SLC30A5: variants seen among roughly 807,000 people sequenced by gnomAD.
SLC30A5 encodes the protein solute carrier family 30 member 5, also known as proton-coupled zinc antiporter SLC30A5.
Under a neutral mutation model 79.6 loss-of-function variants are expected in SLC30A5, and 33 were observed. The observed-to-expected ratio is 0.41, with a 90% confidence interval of 0.31 to 0.55. The LOEUF (loss-of-function observed/expected upper bound fraction) is 0.55. SLC30A5 is among the 20% of genes least tolerant of loss of function. The probability of loss-of-function intolerance (pLI) is 0.20; values close to 1 mark genes in which losing one functional copy is unlikely to be tolerated. For missense variants in SLC30A5, 788 were observed against 928.1 expected (o/e 0.85, Z 1.96); for synonymous variants, 299 against 319.7 (o/e 0.94, Z 0.69).
intron 2 of SLC30A5, among the ~76,000 whole-genome samples, chr5:69,101,694 T>G (rs1261697393): frequency 1.3e-5 from 2 of 149,460 alleles, no homozygotes; most frequent in Non-Finnish European, 3.0e-5. Context: ...CGGTGGCTCA[T>G]GCCTGTAATC....
At chr5:69,101,689 G>C (rs1196006126) in intron 2 of SLC30A5, among the ~76,000 whole-genome samples, 2 of 150,240 alleles carry the variant, frequency 1.3e-5, no homozygotes, top group African/African-American at 4.9e-5. Flanking sequence ...GGGCACGGTG[G>C]CTCATGCCTG....
Position 69,118,449 on chromosome 5 carries a change from T to G in SLC30A5, c.1440-50T>G, listed in dbSNP as rs181271322. The G allele has an allele frequency of 2.9e-5, 45 of 1,532,062 alleles. No homozygotes were observed. The African/African-American group carries it at 5.3e-4, about 18-fold the overall frequency. The allele number at this position is 1,532,062 out of a possible 1,614,324, so 94.9% of individuals were successfully genotyped here. A position where few individuals can be genotyped will look rare whatever the true frequency, so the allele number is the denominator to read the frequency against. The stretch of plus-strand genomic sequence containing the variant: ...TTTCCTCATTTATAAAGTTTATACT[T>G]TAAAAATATTTGTCCTTTTCCTTTT... On this transcript the variant is annotated intron_variant, in intron 11 of 15. Coordinates refer to ENST00000396591, the MANE Select transcript of SLC30A5 (RefSeq NM_022902.5).
chr5:69,118,019 CAA>C (rs1301431882), intron 11 of SLC30A5, among the ~76,000 whole-genome samples: 1 of 145,944 alleles, frequency 6.9e-6, no homozygotes, highest in Non-Finnish European at 1.5e-5. Context: ...ACTAAAAATA[CAA>C]AAAAAATTAG....
intron 6 of SLC30A5, among the ~76,000 whole-genome samples, chr5:69,113,736 C>A (rs1043145996): frequency 2.0e-5 from 3 of 152,158 alleles, no homozygotes; most frequent in African/African-American, 7.2e-5. Context: ...TACAAACATG[C>A]CTTTTTTTCT....
At chr5:69,099,682 TCA>T (rs538578948) in intron 1 of SLC30A5, among the ~76,000 whole-genome samples, 29 of 152,326 alleles carry the variant, frequency 1.9e-4, no homozygotes, top group Non-Finnish European at 3.5e-4. Context: ...CTCACTGTAG[TCA>T]CTTAACAAGG....
At position 69,116,235 on chromosome 5, in the gene SLC30A5, T is replaced by C. The variant is rs762343430; in HGVS notation, c.1072+21T>C. 6.4e-7 allele frequency: 1 copy of C among 1,552,290 alleles called. No individual in the cohort carries two copies. The highest frequency in any genetic ancestry group is 1.2e-5 in the South Asian group (1 of 81,932). On this transcript the variant is annotated intron_variant, in intron 9 of 15. Transcript: ENST00000396591. This position sits in a 1 kb window ranked among gnomAD's most constrained non-coding sequence, Gnocchi z 4.0. ...TTTGTGTAAGCATTCCCCCCTTTTT[T>C]TTATTTTAACAAATTTCTATTTATG...
intron 5 of SLC30A5, 110 bp downstream of exon 5, chr5:69,108,546 G>A: frequency 1.2e-6 from 1 of 865,292 alleles, no homozygotes; most frequent in South Asian, 1.4e-5. Context: ...AGGAGGCTGA[G>A]CGCGATGGCT....
In SLC30A5 at chr5:69,115,922, C is replaced by G; in HGVS notation, c.784-4C>G. 5 of 1,590,586 alleles carry G rather than the reference C, an allele frequency of 3.1e-6. No homozygotes were observed. Among genetic ancestry groups the G allele is most frequent in the Non-Finnish European group, 4.3e-6 (5 of 1,170,046 alleles). ...TCTTGACAATTCTTTTTTTTAATTT[C>G]TAGAGTAAAGTGGAGTCTTGGTTTT... On this transcript the variant is annotated splice_polypyrimidine_tract_variant and splice_region_variant and intron_variant, in intron 8 of 15. Coordinates refer to ENST00000396591, the MANE Select transcript of SLC30A5 (RefSeq NM_022902.5).
intron 8 of SLC30A5, 148 bp downstream of exon 8, chr5:69,115,555 TA>T (rs1228880672): frequency 4.1e-5 from 28 of 677,538 alleles, no homozygotes; most frequent in Middle Eastern, 8.5e-4. Context: ...TGTAGTTTTT[TA>T]AAAAAAATTT....
intron 1 of SLC30A5, among the ~76,000 whole-genome samples, 194 bp from the exon 2 acceptor site, chr5:69,100,612 TA>T (rs33982147): frequency 0.46 from 61,483 of 134,012 alleles, 14,237 homozygotes; most frequent in Non-Finnish European, 0.49. Context: ...CTCTATGAGT[TA>T]AAAAAAAAAA....
At position 69,107,682 on chromosome 5, in the gene SLC30A5, C is replaced by T. The variant is rs1037167600; in HGVS notation, c.360-667C>T. Among the ~76,000 whole-genome samples, 4 of 151,612 alleles carry T rather than the reference C, an allele frequency of 2.6e-5. No individual in the cohort carries two copies. In the South Asian group the frequency reaches 8.3e-4, roughly 31 times the overall value. On this transcript the variant is annotated intron_variant, in intron 4 of 15. Coordinates refer to ENST00000396591, the MANE Select transcript of SLC30A5 (RefSeq NM_022902.5). ...GGCACCACCATCGTATATATGTGGT[C>T]TACCATTGACCAAAATAATGTTATG... is the stretch of plus-strand genomic sequence containing the variant.
At chr5:69,094,583 A>T (rs1006305467) in intron 1 of SLC30A5, among the ~76,000 whole-genome samples, 1 of 152,086 alleles carries the variant, frequency 6.6e-6, no homozygotes, top group African/African-American at 2.4e-5. Flanking sequence ...GCAGACAGTC[A>T]GTCTTAGAAC....
chr5:69,121,720 A>C lies in SLC30A5; in HGVS notation c.1596A>C (p.Val532=). 1 of 1,613,284 alleles carries C rather than the reference A, an allele frequency of 6.2e-7. No homozygotes were observed. Among genetic ancestry groups the C allele is most frequent in the Non-Finnish European group, 8.5e-7 (1 of 1,179,608 alleles). ...CAGTCTCAGTTGGAGGGCTGATAGT[A>C]AACCTTATTGGTATCTGTGCCTTTA... ...LTPVSVGGLI[V]NLIGICAFSH... Residue 532 remains valine (V), a synonymous_variant, in exon 13 of 16, where the codon GTA becomes GTC. Coordinates refer to ENST00000396591, the MANE Select transcript of SLC30A5 (RefSeq NM_022902.5).
rs766319033 is a variant in SLC30A5, at chr5:69,128,105, T to C, written c.2100T>C (p.Asp700=). 1 of 1,612,248 alleles carries C rather than the reference T, an allele frequency of 6.2e-7. No individual in the cohort carries two copies. The highest frequency in any genetic ancestry group is 1.1e-5 in the South Asian group (1 of 90,900). ...CAATTCATATACAGGTGACATCTGA[T>C]GTGCTAGAACAAAGAATAGTACAGC... is the stretch of plus-strand genomic sequence containing the variant. ...AGTIHIQVTS[D]VLEQRIVQQV... The change falls in exon 15 of 16, where the codon GAT becomes GAC. Residue 700 remains aspartate (D), a synonymous_variant. Coordinates refer to ENST00000396591, the MANE Select transcript of SLC30A5 (RefSeq NM_022902.5).
At chr5:69,105,379 G>T (rs1426849760) in intron 4 of SLC30A5, among the ~76,000 whole-genome samples, 2 of 152,162 alleles carry the variant, frequency 1.3e-5, no homozygotes, top group Admixed American at 6.5e-5. Context: ...AAGAAAAAAT[G>T]CCTTGCCGTG....
chr5:69,128,776 C>T (rs1037671001), intron 15 of SLC30A5, among the ~76,000 whole-genome samples: 1 of 152,008 alleles, frequency 6.6e-6, no homozygotes, highest in African/African-American at 2.4e-5. Context: ...TAATAATCAA[C>T]TTGGCAGGGT....
chr5:69,128,673 T>A (rs555860345), intron 15 of SLC30A5, among the ~76,000 whole-genome samples: 1 of 152,312 alleles, frequency 6.6e-6, no homozygotes, highest in African/African-American at 2.4e-5. Flanking sequence ...TAAGCTTTAA[T>A]TAATATAAAA....
intron 1 of SLC30A5, among the ~76,000 whole-genome samples, chr5:69,097,347 CCT>C (rs1745774901): frequency 6.6e-6 from 1 of 152,170 alleles, no homozygotes; most frequent in South Asian, 2.1e-4. Flanking sequence ...GATCTCCTGA[CCT>C]CGTGATCCGC....
At chr5:69,102,698 A>G (rs1420258691) in intron 2 of SLC30A5, 1 of 153,208 alleles carries the variant, frequency 6.5e-6, no homozygotes, top group Non-Finnish European at 1.5e-5. Context: ...CATCTCTACT[A>G]AAAATACGAA....
Sources: gnomAD v4.1 joint callset for allele counts (sites outside exome capture counted in the v4.1 genomes callset) on GRCh38, gnomAD v4.1.1 for gene constraint, Gnocchi (gnomAD v3.1) non-coding constraint, MANE v1.5 for transcripts, NCBI Gene and HGNC (gene_info 2026-07-23, HGNC 2026-07-21) for gene names.